Variants in LRRIQ1 observed in about 807,000 individuals in gnomAD.
The protein encoded by LRRIQ1 is leucine-rich repeat- and IQ domain-containing protein 1.
In LRRIQ1, 210 loss-of-function variants were observed where a neutral mutation model predicts 211.9. The ratio of observed to expected loss-of-function variants is 0.99; its 90% CI spans 0.89 to 1.11. The LOEUF (loss-of-function observed/expected upper bound fraction) is 1.11, where lower values mean the gene tolerates loss of function less well. LRRIQ1 is among the 50% of genes most tolerant of loss of function. LRRIQ1 has a pLI of 0.00. For synonymous variants in LRRIQ1, 699 were observed against 650.1 expected, an observed-to-expected ratio of 1.08 and a Z score of -1.14; for missense variants, 2,136 against 1,939.5, an observed-to-expected ratio of 1.10 and a Z score of -1.90.
chr12:85,220,252 A>C (rs1228762426), intron 24 of LRRIQ1, among the ~76,000 whole-genome samples: 2 of 152,136 alleles, frequency 1.3e-5, no homozygotes, highest in Non-Finnish European at 2.9e-5. Context: ...TATTACTGAG[A>C]AAAGCCATTA....
chr12:85,086,446 C>G (rs1246063302), intron 11 of LRRIQ1, among the ~76,000 whole-genome samples: 1 of 152,016 alleles, frequency 6.6e-6, no homozygotes, highest in Non-Finnish European at 1.5e-5. Flanking sequence ...CTGCTTTTGC[C>G]ATGTGACATG....
chr12:85,044,361 A>G (rs1879270786), intron 3 of LRRIQ1, among the ~76,000 whole-genome samples: 1 of 151,984 alleles, frequency 6.6e-6, no homozygotes. Context: ...GTGCAAGGTC[A>G]TGTCTGGTTT....
chr12:85,107,711 C>T (rs1211359102), intron 15 of LRRIQ1, among the ~76,000 whole-genome samples: 1 of 151,768 alleles, frequency 6.6e-6, no homozygotes, highest in African/African-American at 2.4e-5. Flanking sequence ...TTTTCTTTTA[C>T]TTATTATTAT....
chr12:85,074,500 A>C (rs1346641356), intron 11 of LRRIQ1, among the ~76,000 whole-genome samples: 1 of 151,972 alleles, frequency 6.6e-6, no homozygotes, highest in Non-Finnish European at 1.5e-5. Context: ...ATTATTAACT[A>C]TCATGCTGTT....
chr12:85,270,878 A>G, the LRRIQ1 span, among the ~76,000 whole-genome samples: 1 of 152,162 alleles, frequency 6.6e-6, no homozygotes, highest in Non-Finnish European at 1.5e-5. Context: ...TGAGTCTGAA[A>G]GTAGTCTCTA....
chr12:85,135,721 T>C (rs894855535), intron 18 of LRRIQ1, among the ~76,000 whole-genome samples: 13 of 151,998 alleles, frequency 8.6e-5, no homozygotes, highest in Admixed American at 2.6e-4. Flanking sequence ...CAGTTAGTAG[T>C]CTCATCAAGT....
At chr12:85,197,572 G>T (rs1420623902) in intron 24 of LRRIQ1, among the ~76,000 whole-genome samples, 2 of 150,832 alleles carry the variant, frequency 1.3e-5, no homozygotes, top group Admixed American at 6.7e-5. Context: ...GTAAACTATC[G>T]CAAGAACAAA....
At chr12:85,172,275 C>G (rs993335834) in intron 24 of LRRIQ1, among the ~76,000 whole-genome samples, 2 of 152,144 alleles carry the variant, frequency 1.3e-5, no homozygotes, top group Admixed American at 1.3e-4. Context: ...TCATAGGACA[C>G]TCTGTATTTC....
intron 8 of LRRIQ1, among the ~76,000 whole-genome samples, chr12:85,063,301 C>G (rs1882064595): frequency 6.6e-6 from 1 of 151,244 alleles, no homozygotes; most frequent in Non-Finnish European, 1.5e-5. Context: ...GGGTATTTCC[C>G]ATAAAAATTA....
chr12:85,089,303 A>T (rs756334074), intron 11 of LRRIQ1, among the ~76,000 whole-genome samples: 40 of 152,216 alleles, frequency 2.6e-4, no homozygotes, highest in Non-Finnish European at 5.0e-4. Context: ...GGTATCAAGA[A>T]GAGGGGCATT....
chr12:85,050,932 C>T (rs1368140202), intron 6 of LRRIQ1, among the ~76,000 whole-genome samples: 1 of 152,180 alleles, frequency 6.6e-6, no homozygotes, highest in Non-Finnish European at 1.5e-5. Context: ...TACCTATCTA[C>T]AGAAGGTCCT....
intron 15 of LRRIQ1, among the ~76,000 whole-genome samples, chr12:85,107,863 C>T (rs955660181): frequency 6.6e-6 from 1 of 152,090 alleles, no homozygotes; most frequent in Non-Finnish European, 1.5e-5. Context: ...TATTTTTCCT[C>T]TATATAAATT....
At chr12:85,147,356 T>A (rs955512505) in intron 19 of LRRIQ1, among the ~76,000 whole-genome samples, 3 of 151,788 alleles carry the variant, frequency 2.0e-5, no homozygotes, top group African/African-American at 7.3e-5. Context: ...AGGTCTACCT[T>A]AGATATAAAG....
At chr12:85,052,880 A>G (rs1592703693) in intron 7 of LRRIQ1, among the ~76,000 whole-genome samples, 1 of 152,282 alleles carries the variant, frequency 6.6e-6, no homozygotes, top group East Asian at 1.9e-4. Context: ...AGACAATAAT[A>G]GCTCACCTAT....
intron 24 of LRRIQ1, among the ~76,000 whole-genome samples, chr12:85,226,471 A>G (rs1161778190): frequency 1.3e-5 from 2 of 151,910 alleles, no homozygotes; most frequent in Non-Finnish European, 2.9e-5. Context: ...AGCAATGCCA[A>G]ATCTTCCCTT....
rs946555066 is a variant in LRRIQ1 at position 85,244,959 on chromosome 12, A to T, written c.*18A>T. ...TAATTTAGAAATCACAAACGAATTG[A>T]TGGAACCTAATGCCAACAAGCATTC... is the stretch of plus-strand genomic sequence containing the variant. On this transcript the variant is annotated 3_prime_UTR_variant, in exon 27 of 27. Coordinates refer to ENST00000393217, the MANE Select transcript of LRRIQ1 (RefSeq NM_001079910.2). 1 of 1,607,338 alleles carries T rather than the reference A, an allele frequency of 6.2e-7. No individual in the cohort carries two copies. Among genetic ancestry groups the T allele is most frequent in the Non-Finnish European group, 8.5e-7 (1 of 1,175,986 alleles).
intron 1 of LRRIQ1, among the ~76,000 whole-genome samples, chr12:85,254,728 T>C (rs958152195): frequency 8.5e-5 from 13 of 152,066 alleles, no homozygotes; most frequent in Admixed American, 7.9e-4. Context: ...TTTAGAAGTC[T>C]CTAGTATTCT....
chr12:85,068,144 C>A (rs964878369), intron 10 of LRRIQ1, among the ~76,000 whole-genome samples: 1 of 151,792 alleles, frequency 6.6e-6, no homozygotes, highest in Non-Finnish European at 1.5e-5. Context: ...AATCGAGTAT[C>A]GCCAAAAAGT....
Position 85,101,874 on chromosome 12 carries a change from G to A in LRRIQ1, c.3210-2130G>A, listed in dbSNP as rs148914169. 4.1e-3 allele frequency among the ~76,000 whole-genome samples: 628 copies of A among 151,604 alleles called. 4 individuals are homozygous for A. Among genetic ancestry groups the A allele is most frequent in the African/African-American group, 0.014 (599 of 41,436 alleles). On this transcript the variant is annotated intron_variant, in intron 13 of 26. Transcript: ENST00000393217. Reference sequence around the variant, plus strand: ...TTGATTTTTGATTCTAAAAAAAATTGTTGGTTATTTGCATTTGAGGTCTTT... The same window carrying A: ...TTGATTTTTGATTCTAAAAAAAATTATTGGTTATTTGCATTTGAGGTCTTT...
Sources: allele counts gnomAD v4.1 joint callset (sites outside exome capture counted in the v4.1 genomes callset), GRCh38; gene constraint gnomAD v4.1.1; transcripts MANE v1.5; gene names NCBI Gene and HGNC (gene_info 2026-07-23, HGNC 2026-07-21).